Variants in PCNX1 observed in about 807,000 individuals in gnomAD.
The protein encoded by PCNX1 is pecanex-like protein 1.
Under a neutral mutation model 242.2 loss-of-function variants are expected in PCNX1, and 78 were observed. The observed-to-expected ratio is 0.32, with a 90% confidence interval of 0.27 to 0.39. The LOEUF (loss-of-function observed/expected upper bound fraction) is 0.39. Among genes scored for constraint, PCNX1 ranks in the 10% least tolerant of loss-of-function variants. The pLI is 1.00. For missense variants in PCNX1, 2,581 were observed against 2,856.5 expected (o/e 0.90, Z 2.20); for synonymous variants, 1,024 against 1,032.9 (o/e 0.99, Z 0.17).
intron 11 of PCNX1, among the ~76,000 whole-genome samples, chr14:71,017,493 A>G (rs2059990213): frequency 6.6e-6 from 1 of 152,196 alleles, no homozygotes; most frequent in Non-Finnish European, 1.5e-5. Flanking sequence ...ACCTTGTGCC[A>G]TATTATGAAA....
chr14:70,993,794 A>AT (rs1186247758), intron 7 of PCNX1, among the ~76,000 whole-genome samples: 1 of 152,032 alleles, frequency 6.6e-6, no homozygotes, highest in African/African-American at 2.4e-5. Context: ...CTACTTAAAC[A>AT]TTTTTTTCTC....
intron 8 of PCNX1, among the ~76,000 whole-genome samples, chr14:71,008,051 C>T (rs1469185171): frequency 6.6e-6 from 1 of 151,670 alleles, no homozygotes; most frequent in Non-Finnish European, 1.5e-5. Context: ...ACCTTTTTTT[C>T]CCTAACTTAG....
chr14:70,923,585 A>T (rs1295481531), intron 1 of PCNX1, among the ~76,000 whole-genome samples: 2 of 152,148 alleles, frequency 1.3e-5, no homozygotes, highest in African/African-American at 4.8e-5. Context: ...TTTCTTGTGC[A>T]TCCCACTGTA....
intron 9 of PCNX1, among the ~76,000 whole-genome samples, chr14:71,010,116 A>C (rs1431370273): frequency 1.3e-5 from 2 of 152,092 alleles, no homozygotes; most frequent in East Asian, 3.8e-4. Flanking sequence ...CTAAAAACTT[A>C]AGGTAGAATT....
Position 71,076,430 on chromosome 14 carries a change from T to C in PCNX1, c.5337+11T>C, listed in dbSNP as rs1413892594. ...TCCCGAAGAGCAAAGGTAGAGTTTATTTCATTTATAACTCTTTGAATCCAG... is the reference window on the plus strand; with the variant it reads ...TCCCGAAGAGCAAAGGTAGAGTTTACTTCATTTATAACTCTTTGAATCCAG... On this transcript the variant is annotated intron_variant, in intron 28 of 35. Transcript: ENST00000304743. 1 of 1,516,936 alleles carries C rather than the reference T, an allele frequency of 6.6e-7. No homozygotes were observed. The highest frequency in any genetic ancestry group is 1.1e-5 in the South Asian group (1 of 89,156). The allele number at this position is 1,516,936 out of a possible 1,614,324, so 94.0% of individuals were successfully genotyped here.
intron 19 of PCNX1, among the ~76,000 whole-genome samples, chr14:71,037,539 G>T (rs2060576867): frequency 6.6e-6 from 1 of 151,080 alleles, no homozygotes; most frequent in African/African-American, 2.4e-5. Context: ...TGCATCTATT[G>T]AGATAATCAT....
intron 26 of PCNX1, among the ~76,000 whole-genome samples, chr14:71,061,679 C>A (rs1204248903): frequency 6.6e-6 from 1 of 152,202 alleles, no homozygotes; most frequent in African/African-American, 2.4e-5. Context: ...TGAATGGCAT[C>A]TGGAAGAAGA....
chr14:70,995,597 A>G (rs2059325364), intron 7 of PCNX1, 144 bp from the exon 8 acceptor site: 1 of 631,752 alleles, frequency 1.6e-6, no homozygotes, highest in Admixed American at 2.9e-5. Context: ...TAATCTGTAT[A>G]TTTTGCAAAG....
At position 70,977,477 on chromosome 14, in the gene PCNX1, G is replaced by A. The variant is rs769297214; in HGVS notation, c.1140G>A (p.Gly380=). ...GGAGCCTGAGCACACGGAGTAGTGGGTCAACAGAAAGCTACTGCAGTGGAA... is the reference window on the plus strand; with the variant it reads ...GGAGCCTGAGCACACGGAGTAGTGGATCAACAGAAAGCTACTGCAGTGGAA... ...SLRSLSTRSS[G]STESYCSGTD... Residue 380 remains glycine (G), a synonymous_variant, in exon 6 of 36, where the codon GGG becomes GGA. Transcript: ENST00000304743. 6.2e-7 allele frequency: 1 copy of A among 1,614,098 alleles called. No homozygotes were observed. The highest frequency in any genetic ancestry group is 2.2e-5 in the East Asian group (1 of 44,884).
At chr14:70,966,575 C>T (rs2058384948) in intron 3 of PCNX1, among the ~76,000 whole-genome samples, 1 of 152,196 alleles carries the variant, frequency 6.6e-6, no homozygotes, top group South Asian at 2.1e-4. Context: ...AGAACTAGTT[C>T]ATACACCTAC....
intron 1 of PCNX1, among the ~76,000 whole-genome samples, chr14:70,910,216 C>G (rs1594866103): frequency 9.8e-6 from 1 of 101,692 alleles, no homozygotes. Flanking sequence ...CGTCCTCCTC[C>G]TCCTCCTCCT....
chr14:71,087,965 TAAAAAA>T (rs554645724), intron 28 of PCNX1, among the ~76,000 whole-genome samples: 1 of 146,742 alleles, frequency 6.8e-6, no homozygotes, highest in African/African-American at 2.5e-5. Context: ...AAGTAGTTAA[TAAAAAA>T]AAAAGAAAGA....
chr14:71,114,605 A>T lies in PCNX1; in HGVS notation c.*4670A>T, dbSNP rs2062818031. ...GAATCAACCTTACATTCTTTGGTGG[A>T]ACTAGAGCTGATTGTCACCACAAGG... On this transcript the variant is annotated 3_prime_UTR_variant, in exon 36 of 36. Transcript: ENST00000304743. 6.6e-6 allele frequency: 1 copy of T among 152,620 alleles called. No individual in the cohort carries two copies. The highest frequency in any genetic ancestry group is 2.1e-4 in the South Asian group (1 of 4,830). The allele number at this position is 152,620 out of a possible 1,614,324, so 9.5% of individuals were successfully genotyped here.
chr14:70,979,759 A>G (rs2058782940), intron 6 of PCNX1, among the ~76,000 whole-genome samples: 2 of 152,082 alleles, frequency 1.3e-5, no homozygotes, highest in South Asian at 2.1e-4. Flanking sequence ...TGTGGTAAAC[A>G]TTTTCTTAGA....
chr14:71,003,342 C>T lies in PCNX1; in HGVS notation c.2630-6292C>T, dbSNP rs182267685. ...CTGACGTCAGGTGATCTGCCCGCCT[C>T]GGCCCCCCAAAGCGCTGGGATTACG... On this transcript the variant is annotated intron_variant, in intron 8 of 35. Transcript: ENST00000304743. 8.6e-3 allele frequency among the ~76,000 whole-genome samples: 1,302 copies of T among 152,212 alleles called. 8 individuals are homozygous for T. The highest frequency in any genetic ancestry group is 0.017 in the South Asian group (84 of 4,810).
chr14:70,962,263 C>G lies in PCNX1; in HGVS notation c.400C>G (p.Arg134Gly). ...GGGIEMSEFIREATPPVGCSS... is the reference protein window; with the variant it reads ...GGGIEMSEFIGEATPPVGCSS... ...AGGGATTGAAATGTCTGAGTTCATC[C>G]GAGAGGCCACACCCCCAGTTGGTTG... Residue 134 changes from arginine (R) to glycine (G), a missense_variant, in exon 3 of 36, where the codon CGA (arginine) becomes GGA (glycine). Physicochemically the swap from Arg to Gly is moderately radical, Grantham distance 125 (BLOSUM62 -2). Around this residue, in one of 9 missense-constraint regions of PCNX1, gnomAD observed 1,204 missense variants for 1,216.7 expected, o/e 0.99. Coordinates refer to ENST00000304743, the MANE Select transcript of PCNX1 (RefSeq NM_014982.3). 1 of 1,613,238 alleles carries G rather than the reference C, an allele frequency of 6.2e-7. No homozygotes were observed. Among genetic ancestry groups the G allele is most frequent in the Non-Finnish European group, 8.5e-7 (1 of 1,179,344 alleles).
At position 71,003,080 on chromosome 14, in the gene PCNX1, CT is replaced by C. The variant is rs3083307; in HGVS notation, c.2630-6534del. ...TAAAAATCGGGTTGTTGGTTGTCTT[CT>C]TTTTTTTTTTTTTTTTTTTGAGACA... On this transcript the variant is annotated intron_variant, in intron 8 of 35. Transcript: ENST00000304743. 1.1e-3 allele frequency among the ~76,000 whole-genome samples: 101 copies of C among 95,468 alleles called. 1 individual carries two copies. Among genetic ancestry groups the C allele is most frequent in the Admixed American group, 1.1e-3 (8 of 7,060 alleles). The allele number at this position is 95,468 out of a possible 152,430, so 62.6% of individuals were successfully genotyped here. A position where few individuals can be genotyped will look rare whatever the true frequency, so the allele number is the denominator to read the frequency against.
chr14:70,967,251 T>C (rs1036028244), intron 3 of PCNX1, among the ~76,000 whole-genome samples: 2 of 152,206 alleles, frequency 1.3e-5, no homozygotes, highest in Non-Finnish European at 2.9e-5. Flanking sequence ...TTTTGAGTGA[T>C]TTCTTGTGAT....
chr14:70,940,165 T>A (rs2057177039), intron 1 of PCNX1, among the ~76,000 whole-genome samples: 1 of 152,188 alleles, frequency 6.6e-6, no homozygotes, highest in Non-Finnish European at 1.5e-5. Flanking sequence ...ATTTTGATCC[T>A]GTCATTATGA....
Sources: allele counts gnomAD v4.1 joint callset (sites outside exome capture counted in the v4.1 genomes callset), GRCh38; gene constraint gnomAD v4.1.1; regional missense constraint gnomAD v4.1.1; transcripts MANE v1.5; gene names NCBI Gene and HGNC (gene_info 2026-07-23, HGNC 2026-07-21).